The following EXTL3 variants were observed in gnomAD, a reference collection of about 807,000 sequenced individuals.
EXTL3 encodes the protein exostosin like glycosyltransferase 3.
A neutral mutation model predicts 69.3 loss-of-function variants in EXTL3; 27 were observed. The ratio of observed to expected loss-of-function variants is 0.39; its 90% CI spans 0.29 to 0.54. The LOEUF (loss-of-function observed/expected upper bound fraction) is 0.54. EXTL3 is among the 20% of genes least tolerant of loss of function. EXTL3 has a pLI of 0.69. For missense variants in EXTL3, 1,003 were observed against 1,231.8 expected, an observed-to-expected ratio of 0.81 and a Z score of 2.78; for synonymous variants, 511 against 499.4, an observed-to-expected ratio of 1.02 and a Z score of -0.31.
Position 28,750,891 on chromosome 8 carries a change from G to A in EXTL3, c.*25G>A, listed in dbSNP as rs372082379. 1.2e-6 allele frequency: 2 copies of A among 1,605,188 alleles called. No homozygotes were observed. The highest frequency in any genetic ancestry group is 1.7e-6 in the Non-Finnish European group (2 of 1,172,794). ...GGGGCAGCGCACGGTCTGGGGAAGA[G>A]GATGAGCAGAGGGAGGAAGATGGCT... On this transcript the variant is annotated 3_prime_UTR_variant, in exon 7 of 7. Transcript: ENST00000220562. The surrounding 1 kb of genome is among the most constrained non-coding windows in gnomAD (Gnocchi z 5.2).
intron 3 of EXTL3, among the ~76,000 whole-genome samples, chr8:28,722,132 T>TG (rs936648516): frequency 8.6e-4 from 131 of 152,076 alleles, no homozygotes; most frequent in African/African-American, 3.1e-3. Context: ...GAGGGATGTA[T>TG]GGGGAATGGC....
At chr8:28,664,905 T>G (rs1807170799) in intron 1 of EXTL3, among the ~76,000 whole-genome samples, 1 of 145,178 alleles carries the variant, frequency 6.9e-6, no homozygotes, top group African/African-American at 2.4e-5. Context: ...GGTCTTTTTC[T>G]CTCATATCTT....
At chr8:28,676,917 C>A (rs1280362413) in intron 1 of EXTL3, among the ~76,000 whole-genome samples, 1 of 152,140 alleles carries the variant, frequency 6.6e-6, no homozygotes, top group African/African-American at 2.4e-5. Flanking sequence ...CATTTCAAAT[C>A]TGGCTTCCCT....
At chr8:28,627,471 T>C (rs1327509728) in intron 1 of EXTL3, among the ~76,000 whole-genome samples, 1 of 145,834 alleles carries the variant, frequency 6.9e-6, no homozygotes, top group Non-Finnish European at 1.5e-5. Context: ...TATTCCAGCC[T>C]GGGTGAGACC....
Position 28,731,480 on chromosome 8 carries a change from G to C in EXTL3, c.2276+130G>C, listed in dbSNP as rs1257152425. The C allele has an allele frequency of 5.4e-6, 5 of 927,844 alleles. No individual in the cohort carries two copies. The Admixed American group carries it at 7.9e-5, about 15-fold the overall frequency. The allele number at this position is 927,844 out of a possible 1,614,324, so 57.5% of individuals were successfully genotyped here. ...CAGATAGTCAGGGCTGATGTAGGAC[G>C]TGGCTGGATGCAGGCTCGTAGATGG... On this transcript the variant is annotated intron_variant, in intron 4 of 6. Coordinates refer to ENST00000220562, the MANE Select transcript of EXTL3 (RefSeq NM_001440.4).
chr8:28,750,987 G>GGCTCT lies in EXTL3; in HGVS notation c.*122_*123insCTCTG. 1.2e-6 allele frequency: 1 copy of GGCTCT among 816,028 alleles called. No individual in the cohort carries two copies. Among genetic ancestry groups the GGCTCT allele is most frequent in the Non-Finnish European group, 2.0e-6 (1 of 501,554 alleles). The allele number at this position is 816,028 out of a possible 1,614,324, so 50.5% of individuals were successfully genotyped here. On this transcript the variant is annotated 3_prime_UTR_variant, in exon 7 of 7. Coordinates refer to ENST00000220562, the MANE Select transcript of EXTL3 (RefSeq NM_001440.4). This position sits in a 1 kb window ranked among gnomAD's most constrained non-coding sequence, Gnocchi z 5.2. Reference sequence around the variant, plus strand: ...GGGTGGCCCAGAGCCTCTGCTGGAAGGGGCAGCAGGAGGAGTGGAAGGAAA... The same window carrying GGCTCT: ...GGGTGGCCCAGAGCCTCTGCTGGAAGGCTCTGGGCAGCAGGAGGAGTGGAAGGAAA...
chr8:28,754,625 C>T lies in EXTL3; in HGVS notation c.*3759C>T, dbSNP rs1802079113. 6.6e-6 allele frequency: 1 copy of T among 152,220 alleles called. No homozygotes were observed. The allele number at this position is 152,220 out of a possible 1,614,324, so 9.4% of individuals were successfully genotyped here. A position where few individuals can be genotyped will look rare whatever the true frequency, so the allele number is the denominator to read the frequency against. ...CATGAGGCTGTAGAAAATGTGTCTTCCTATACACAGAGATATGATGTCTGC... is the reference window on the plus strand; with the variant it reads ...CATGAGGCTGTAGAAAATGTGTCTTTCTATACACAGAGATATGATGTCTGC... On this transcript the variant is annotated 3_prime_UTR_variant, in exon 7 of 7. Transcript: ENST00000220562.
chr8:28,710,282 G>C (rs1801007155), intron 1 of EXTL3: 1 of 330,006 alleles, frequency 3.0e-6, no homozygotes, highest in Admixed American at 4.3e-5. Flanking sequence ...CAGCCAATCA[G>C]GGGGCTAAGC....
chr8:28,742,675 G>C, intron 5 of EXTL3: 1 of 315,014 alleles, frequency 3.2e-6, no homozygotes, highest in Non-Finnish European at 6.1e-6. Flanking sequence ...TGTGTTTCAT[G>C]GTTCTGTGAT....
intron 1 of EXTL3, among the ~76,000 whole-genome samples, chr8:28,654,771 C>G (rs1352296886): frequency 6.6e-6 from 1 of 152,128 alleles, no homozygotes. Flanking sequence ...CTTTTTCATA[C>G]CCCAATTTTG....
intron 1 of EXTL3, among the ~76,000 whole-genome samples, chr8:28,634,552 G>C (rs889252399): frequency 4.7e-5 from 7 of 148,414 alleles, no homozygotes; most frequent in Non-Finnish European, 1.0e-4. Flanking sequence ...GCCCTTCCTG[G>C]CTCTTTCTGC....
At chr8:28,656,633 C>T (rs770006007) in intron 1 of EXTL3, among the ~76,000 whole-genome samples, 7 of 152,230 alleles carry the variant, frequency 4.6e-5, no homozygotes, top group East Asian at 1.9e-4. Context: ...ACCTTGCACA[C>T]GTCAAGGTCT....
chr8:28,620,088 T>A (rs1806391107), upstream of EXTL3, among the ~76,000 whole-genome samples: 1 of 110,414 alleles, frequency 9.1e-6, no homozygotes, highest in African/African-American at 2.7e-5. Flanking sequence ...TTAACCAGGA[T>A]GGTCTCGATC....
chr8:28,730,945 G>A (rs975461984), intron 3 of EXTL3, among the ~76,000 whole-genome samples: 2 of 152,180 alleles, frequency 1.3e-5, no homozygotes, highest in Non-Finnish European at 2.9e-5. Flanking sequence ...TCCCTACATC[G>A]TGTTTATTGC....
chr8:28,701,874 C>T (rs941725392), intron 1 of EXTL3, among the ~76,000 whole-genome samples: 6 of 152,054 alleles, frequency 3.9e-5, no homozygotes, highest in African/African-American at 1.2e-4. Flanking sequence ...GGGGAGAGGC[C>T]GCCAGGCCCT....
At chr8:28,612,570 G>C (rs1315052770) in intron 2 of EXTL3, among the ~76,000 whole-genome samples, 3 of 152,156 alleles carry the variant, frequency 2.0e-5, no homozygotes, top group Admixed American at 2.0e-4. Flanking sequence ...CCAGGTAAAA[G>C]TTATTACTAT....
intron 3 of EXTL3, among the ~76,000 whole-genome samples, chr8:28,723,297 G>A (rs1396610717): frequency 1.3e-5 from 2 of 152,120 alleles, no homozygotes; most frequent in African/African-American, 4.8e-5. Context: ...TGGGTGGTTC[G>A]TCTTTCTCTT....
At chr8:28,741,853 C>G (rs1801788147) in intron 5 of EXTL3, 2 of 152,138 alleles carry the variant, frequency 1.3e-5, no homozygotes, top group Non-Finnish European at 2.9e-5. Context: ...CACATTTATT[C>G]TGTGTTACAA....
rs150349194 is a variant in EXTL3 at position 28,623,841 on chromosome 8, T to C, written c.-53+1031T>C. On this transcript the variant is annotated intron_variant, in intron 1 of 6. Transcript: ENST00000523149. This position sits in a 1 kb window ranked among gnomAD's most constrained non-coding sequence, Gnocchi z 4.2. Reference sequence around the variant, plus strand: ...GTAAACATGATCCTCCTTAACAAATTTGCTGCTCGTAAAAGGCAGCAGATG... The same window carrying C: ...GTAAACATGATCCTCCTTAACAAATCTGCTGCTCGTAAAAGGCAGCAGATG... 3.0e-4 allele frequency among the ~76,000 whole-genome samples: 45 copies of C among 152,336 alleles called. No homozygotes were observed. Among genetic ancestry groups the C allele is most frequent in the African/African-American group, 9.9e-4 (41 of 41,584 alleles).
Sources: gnomAD v4.1 joint callset for allele counts (sites outside exome capture counted in the v4.1 genomes callset) on GRCh38, gnomAD v4.1.1 for gene constraint, Gnocchi (gnomAD v3.1) non-coding constraint, MANE v1.5 for transcripts, NCBI Gene and HGNC (gene_info 2026-07-23, HGNC 2026-07-21) for gene names.